Variants in EXOSC7 observed in about 807,000 individuals in gnomAD.
The protein encoded by EXOSC7 is exosome complex component RRP42.
In EXOSC7, 25 loss-of-function variants were observed where a neutral mutation model predicts 34.3. That is an observed-to-expected ratio of 0.73 (90% CI 0.53 to 1.02). EXOSC7 has a LOEUF of 1.02. Ranked by LOEUF, EXOSC7 falls within the 50% of genes least tolerant of loss-of-function variation. The pLI, the probability that EXOSC7 is intolerant of heterozygous loss-of-function variation, is 0.00. For missense variants in EXOSC7, 370 were observed against 368.5 expected (o/e 1.00, Z -0.03); for synonymous variants, 130 against 143.0 (o/e 0.91, Z 0.65).
At chr3:45,003,648 C>T (rs1706948478) in intron 5 of EXOSC7, among the ~76,000 whole-genome samples, 1 of 152,146 alleles carries the variant, frequency 6.6e-6, no homozygotes, top group African/African-American at 2.4e-5. Context: ...GCTCCTCCAA[C>T]CCAGCCTGGA....
intron 3 of EXOSC7, 27 bp from the exon 4 acceptor site, chr3:44,997,060 C>T (rs1341266001): frequency 6.2e-7 from 1 of 1,606,372 alleles, no homozygotes; most frequent in Non-Finnish European, 8.5e-7. Flanking sequence ...AAGACTCACC[C>T]AGTTTTTTTG....
chr3:44,997,305 G>C (rs1706749804), intron 4 of EXOSC7, 53 bp downstream of exon 4: 2 of 1,541,694 alleles, frequency 1.3e-6, no homozygotes, highest in African/African-American at 2.7e-5. Flanking sequence ...GGAAAGACTA[G>C]TTGGCCTATT....
At chr3:45,009,094 G>A (rs1464364061) in intron 7 of EXOSC7, among the ~76,000 whole-genome samples, 1 of 152,132 alleles carries the variant, frequency 6.6e-6, no homozygotes, top group Non-Finnish European at 1.5e-5. Context: ...TGCGTCCAGA[G>A]CCCCTGCTCC....
chr3:44,995,975 CCTG>C (rs1706710549), intron 3 of EXOSC7, among the ~76,000 whole-genome samples: 2 of 152,174 alleles, frequency 1.3e-5, no homozygotes, highest in African/African-American at 4.8e-5. Flanking sequence ...CGCCTTTAAA[CCTG>C]AATGCTAATT....
At chr3:45,003,001 C>T (rs973485359) in intron 5 of EXOSC7, among the ~76,000 whole-genome samples, 3 of 152,158 alleles carry the variant, frequency 2.0e-5, no homozygotes, top group Non-Finnish European at 2.9e-5. Flanking sequence ...TATAGGCACC[C>T]AGGCAAAAAG....
intron 1 of EXOSC7, among the ~76,000 whole-genome samples, chr3:44,980,071 G>A (rs1056581995): frequency 2.0e-5 from 3 of 151,776 alleles, no homozygotes; most frequent in African/African-American, 7.2e-5. Context: ...AGTGATAGCT[G>A]GAACTGTGGA....
intron 1 of EXOSC7, among the ~76,000 whole-genome samples, chr3:44,987,072 G>A (rs555768590): frequency 2.6e-4 from 35 of 132,736 alleles, no homozygotes; most frequent in Middle Eastern, 7.3e-3. Flanking sequence ...ATGATTTCCT[G>A]CATATATATA....
At chr3:44,999,616 G>A (rs1056246410) in intron 4 of EXOSC7, among the ~76,000 whole-genome samples, 9 of 152,180 alleles carry the variant, frequency 5.9e-5, no homozygotes, top group African/African-American at 2.2e-4. Context: ...TTGAACCTGG[G>A]AGGTGGAGGT....
chr3:44,976,854 C>T (rs575475341), intron 1 of EXOSC7, among the ~76,000 whole-genome samples: 2 of 152,282 alleles, frequency 1.3e-5, no homozygotes, highest in South Asian at 4.2e-4. Flanking sequence ...GAGGCCGAGG[C>T]GGGCGGATCA....
At chr3:44,979,475 C>CA (rs1706216658) in intron 1 of EXOSC7, among the ~76,000 whole-genome samples, 1 of 152,212 alleles carries the variant, frequency 6.6e-6, no homozygotes, top group Non-Finnish European at 1.5e-5. Context: ...AAATTAACCT[C>CA]ACGATGTGTT....
At chr3:44,991,039 G>A (rs928193843) in intron 3 of EXOSC7, among the ~76,000 whole-genome samples, 1 of 152,206 alleles carries the variant, frequency 6.6e-6, no homozygotes, top group Non-Finnish European at 1.5e-5. Flanking sequence ...TGACAAATGA[G>A]TTCAGAGAGA....
chr3:44,996,010 C>A, intron 3 of EXOSC7, among the ~76,000 whole-genome samples: 1 of 152,156 alleles, frequency 6.6e-6, no homozygotes, highest in East Asian at 1.9e-4. Flanking sequence ...GCCCCTACTC[C>A]CGCTTCTACC....
At position 45,001,589 on chromosome 3, in the gene EXOSC7, G is replaced by A. The variant is rs776878421; in HGVS notation, c.472G>A (p.Ala158Thr). 8 of 1,612,954 alleles carry A rather than the reference G, an allele frequency of 5.0e-6. No individual in the cohort carries two copies. In the East Asian group the frequency reaches 1.8e-4, roughly 36 times the overall value. Residue 158 changes from alanine to threonine, a missense_variant, in exon 5 of 8, where the codon GCT becomes ACT. Around this residue, in one of 3 missense-constraint regions of EXOSC7, gnomAD observed 255 missense variants for 246.4 expected, o/e 1.03. Coordinates refer to ENST00000265564, the MANE Select transcript of EXOSC7 (RefSeq NM_015004.4). ...LFDAISIAVK[A>T]ALFNTRIPRV... is the part of the protein sequence containing the mutation. Reference sequence around the variant, plus strand: ...TGATGCCATTTCCATTGCTGTAAAGGCTGCTCTCTTCAATACAAGGTAAGT... The same window carrying A: ...TGATGCCATTTCCATTGCTGTAAAGACTGCTCTCTTCAATACAAGGTAAGT...
intron 7 of EXOSC7, 112 bp downstream of exon 7, chr3:45,007,687 C>G (rs1252301889): frequency 1.6e-6 from 2 of 1,229,030 alleles, no homozygotes; most frequent in African/African-American, 1.5e-5. Flanking sequence ...TGACCCCAAA[C>G]TTGGAGATTT....
chr3:44,994,245 TA>T (rs76598308), intron 3 of EXOSC7, among the ~76,000 whole-genome samples: 45,106 of 136,818 alleles, frequency 0.33, 8,681 homozygotes, highest in East Asian at 0.77. Flanking sequence ...TGCTAAACAT[TA>T]AAAAAAAAAA....
At chr3:45,007,210 G>A (rs146827929) in intron 6 of EXOSC7, among the ~76,000 whole-genome samples, 8 of 152,240 alleles carry the variant, frequency 5.3e-5, no homozygotes, top group African/African-American at 9.6e-5. Context: ...TTTCCATATC[G>A]TGTTTTTATT....
rs761222071 is a variant in EXOSC7 at position 44,987,904 on chromosome 3, A to G, written c.58-1236A>G. On this transcript the variant is annotated intron_variant, in intron 1 of 7. Transcript: ENST00000265564. The stretch of plus-strand genomic sequence containing the variant: ...ATGAACCATGTGATGTTAGATTGGA[A>G]TTGATCTATCAGTATGAACTCTTGG... 3.3e-5 allele frequency among the ~76,000 whole-genome samples: 5 copies of G among 152,268 alleles called. No individual in the cohort carries two copies. The South Asian group carries it at 6.2e-4, about 19-fold the overall frequency.
Position 45,005,279 on chromosome 3 carries a change from T to C in EXOSC7, c.492-12T>C, listed in dbSNP as rs1464113126. The C allele has an allele frequency of 2.5e-6, 4 of 1,613,770 alleles. No homozygotes were observed. The highest frequency in any genetic ancestry group is 3.4e-6 in the Non-Finnish European group (4 of 1,179,872). On this transcript the variant is annotated splice_polypyrimidine_tract_variant and intron_variant, in intron 5 of 7. Coordinates refer to ENST00000265564, the MANE Select transcript of EXOSC7 (RefSeq NM_015004.4). ...CTCCAAGTGGGAATTTTACTAGTGC[T>C]TCTGCTTCCAGGATACCAAGGGTTC...
chr3:44,989,175 C>T lies in EXOSC7; in HGVS notation c.93C>T (p.Asp31=), dbSNP rs765282543. Residue 31 remains aspartate, a synonymous_variant, in exon 2 of 8, where the codon GAC becomes GAT. Transcript: ENST00000265564. ...GTGTGGATGGCCGTGGCTGTGAGGA[C>T]TACCGATGTGTCGAAGTGGAAACTG... is the stretch of plus-strand genomic sequence containing the variant. ...DLRVDGRGCE[D]YRCVEVETDV... 1 of 1,614,158 alleles carries T rather than the reference C, an allele frequency of 6.2e-7. No homozygotes were observed. The highest frequency in any genetic ancestry group is 1.7e-5 in the Admixed American group (1 of 60,010).
Sources: gnomAD v4.1 joint callset for allele counts (sites outside exome capture counted in the v4.1 genomes callset) on GRCh38, gnomAD v4.1.1 for gene constraint, gnomAD v4.1.1 regional missense constraint, MANE v1.5 for transcripts, NCBI Gene and HGNC (gene_info 2026-07-23, HGNC 2026-07-21) for gene names.